The following POU6F2 variants were observed in gnomAD, a reference collection of about 807,000 sequenced individuals.
POU6F2 encodes POU domain, class 6, transcription factor 2.
In POU6F2, 31 loss-of-function variants were observed where a neutral mutation model predicts 71.3. That is an observed-to-expected ratio of 0.43 (90% CI 0.33 to 0.59). The LOEUF is 0.59. POU6F2 is among the 20% of genes least tolerant of loss of function. The pLI, the probability that POU6F2 is intolerant of heterozygous loss-of-function variation, is 0.04. For synonymous variants in POU6F2, 347 were observed against 355.7 expected, an observed-to-expected ratio of 0.98 and a Z score of 0.27; for missense variants, 783 against 856.8, an observed-to-expected ratio of 0.91 and a Z score of 1.07.
chr7:39,141,913 C>G (rs1245857163), intron 2 of POU6F2, among the ~76,000 whole-genome samples: 1 of 152,066 alleles, frequency 6.6e-6, no homozygotes, highest in Admixed American at 6.6e-5. Flanking sequence ...TGGTGAAACT[C>G]CATCTCTACC....
intron 2 of POU6F2, among the ~76,000 whole-genome samples, chr7:39,172,978 T>C (rs1793253160): frequency 6.6e-6 from 1 of 152,076 alleles, no homozygotes; most frequent in Non-Finnish European, 1.5e-5. Context: ...AGAAATATGA[T>C]GTGAACCACA....
intron 2 of POU6F2, among the ~76,000 whole-genome samples, chr7:39,149,552 A>G (rs1792700701): frequency 6.6e-6 from 1 of 152,222 alleles, no homozygotes; most frequent in Non-Finnish European, 1.5e-5. Flanking sequence ...TTTATTTCAC[A>G]AAAATGTTTA....
chr7:39,053,143 GGAA>G (rs889990133), intron 1 of POU6F2, among the ~76,000 whole-genome samples: 7 of 152,190 alleles, frequency 4.6e-5, no homozygotes, highest in East Asian at 1.9e-4. Context: ...TTAAGATGAT[GGAA>G]GAAGAAGAAC....
intron 2 of POU6F2, among the ~76,000 whole-genome samples, chr7:39,135,363 C>T (rs1358777802): frequency 6.6e-6 from 1 of 152,150 alleles, no homozygotes; most frequent in African/African-American, 2.4e-5. Flanking sequence ...TTTCTGTGAA[C>T]CTAAGTCTGA....
intron 1 of POU6F2, among the ~76,000 whole-genome samples, chr7:39,014,760 T>G (rs1229058): frequency 6.6e-6 from 1 of 152,254 alleles, no homozygotes; most frequent in Non-Finnish European, 1.5e-5. Context: ...TTCCTCCTAA[T>G]GTCAAAGGTC....
At chr7:39,228,936 A>G (rs1794522149) in intron 4 of POU6F2, among the ~76,000 whole-genome samples, 1 of 152,152 alleles carries the variant, frequency 6.6e-6, no homozygotes, top group Non-Finnish European at 1.5e-5. Flanking sequence ...TGGGGTAAAC[A>G]CACTCTGGGG....
intron 5 of POU6F2, among the ~76,000 whole-genome samples, chr7:39,347,396 C>T (rs530196020): frequency 1.3e-5 from 2 of 152,190 alleles, no homozygotes; most frequent in South Asian, 2.1e-4. Flanking sequence ...AGTTTCGTAG[C>T]GTCATCCTGA....
intron 4 of POU6F2, among the ~76,000 whole-genome samples, chr7:39,229,869 G>C (rs1461521259): frequency 6.6e-6 from 1 of 152,122 alleles, no homozygotes; most frequent in African/African-American, 2.4e-5. Context: ...CTCGATGTTC[G>C]TGTGTGGACT....
chr7:39,419,130 TACACATATATATAC>T (rs1787784029), intron 6 of POU6F2, among the ~76,000 whole-genome samples: 1 of 136,866 alleles, frequency 7.3e-6, no homozygotes, highest in African/African-American at 2.9e-5. Context: ...TGTGTATATA[TACACATATATATAC>T]GTATATATGT....
Position 39,216,392 on chromosome 7 carries a change from G to A in POU6F2, c.598+8772G>A, listed in dbSNP as rs12537003. Among the ~76,000 whole-genome samples, 479 of 152,230 alleles carry A rather than the reference G, an allele frequency of 3.1e-3. 8 individuals are homozygous for A. Among genetic ancestry groups the A allele is most frequent in the Admixed American group, 0.028 (423 of 15,276 alleles). On this transcript the variant is annotated intron_variant, in intron 4 of 9. Transcript: ENST00000518318. The stretch of plus-strand genomic sequence containing the variant: ...AATGATAAATGTAAAAATGGGTAAC[G>A]AATATATGGGCCAATTGGAGACGGT...
At chr7:39,335,086 C>T (rs555651129) in intron 4 of POU6F2, among the ~76,000 whole-genome samples, 15 of 152,270 alleles carry the variant, frequency 9.9e-5, no homozygotes, top group East Asian at 1.9e-4. Context: ...GAGCTGCTGC[C>T]GCCCTATGTC....
chr7:39,086,881 C>A (rs1048318331), intron 2 of POU6F2, among the ~76,000 whole-genome samples: 15 of 152,080 alleles, frequency 9.9e-5, no homozygotes, highest in Non-Finnish European at 2.1e-4. Flanking sequence ...TGGAGAAGCA[C>A]TTTAGGGTAC....
intron 4 of POU6F2, among the ~76,000 whole-genome samples, chr7:39,275,055 A>G (rs372314268): frequency 1.3e-5 from 2 of 151,776 alleles, no homozygotes; most frequent in South Asian, 4.2e-4. Context: ...GGCCAGGGCA[A>G]TTAGGCAGGA....
intron 2 of POU6F2, among the ~76,000 whole-genome samples, chr7:39,169,722 A>G (rs1280218047): frequency 6.6e-6 from 1 of 152,188 alleles, no homozygotes; most frequent in African/African-American, 2.4e-5. Flanking sequence ...AATGTCCAGG[A>G]TGGTACAACA....
intron 5 of POU6F2, among the ~76,000 whole-genome samples, chr7:39,365,461 T>C (rs1786482518): frequency 6.6e-6 from 1 of 152,128 alleles, no homozygotes; most frequent in African/African-American, 2.4e-5. Context: ...GCAAAAACCC[T>C]TCTAGACTTA....
rs576206210 is a variant in POU6F2, at chr7:39,006,745, G to A, written c.105+28687G>A. ...GTCATCATTTAAATAAAATGTTGGG[G>A]TTTTCTTCTAGGCATGAACTCTCTT... On this transcript the variant is annotated intron_variant, in intron 1 of 9. Coordinates refer to ENST00000518318, the MANE Select transcript of POU6F2 (RefSeq NM_001370959.1). The A allele has an allele frequency of 4.0e-5, 44 of 1,098,464 alleles. No homozygotes were observed. In the East Asian group the frequency reaches 6.9e-4, roughly 17 times the overall value. 68.0% of individuals were successfully genotyped at this position (1,098,464 alleles called of 1,614,324 possible).
At chr7:39,052,117 C>G (rs1260289710) in intron 1 of POU6F2, among the ~76,000 whole-genome samples, 1 of 152,106 alleles carries the variant, frequency 6.6e-6, no homozygotes, top group Non-Finnish European at 1.5e-5. Flanking sequence ...CTTGGAACAA[C>G]AGCAGAGAAT....
intron 1 of POU6F2, among the ~76,000 whole-genome samples, chr7:39,067,548 C>A (rs993977171): frequency 2.0e-5 from 3 of 151,928 alleles, no homozygotes; most frequent in African/African-American, 7.2e-5. Flanking sequence ...AGCTAAATTA[C>A]ATTTTAATTT....
chr7:39,206,343 C>A (rs1031970865), intron 3 of POU6F2, among the ~76,000 whole-genome samples: 2 of 152,076 alleles, frequency 1.3e-5, no homozygotes, highest in African/African-American at 4.8e-5. Context: ...TCAAAACATG[C>A]CGAGCAGTTG....
Sources: gnomAD v4.1 joint callset for allele counts (sites outside exome capture counted in the v4.1 genomes callset) on GRCh38, gnomAD v4.1.1 for gene constraint, MANE v1.5 for transcripts, NCBI Gene and HGNC (gene_info 2026-07-23, HGNC 2026-07-21) for gene names.